Variants in ADGRL3 observed in about 807,000 individuals in gnomAD.
ADGRL3 encodes the protein adhesion G protein-coupled receptor L3.
ADGRL3 carries 62 observed loss-of-function variants against 153.5 expected under a neutral mutation model. That is an observed-to-expected ratio of 0.40 (90% CI 0.33 to 0.50). The LOEUF (loss-of-function observed/expected upper bound fraction) is 0.50, where lower values mean the gene tolerates loss of function less well. Ranked by LOEUF, ADGRL3 falls within the 20% of genes least tolerant of loss-of-function variation. The pLI is 0.47. For missense variants in ADGRL3, 1,641 were observed against 1,859.4 expected (o/e 0.88, Z 2.16); for synonymous variants, 710 against 672.5 (o/e 1.06, Z -0.86).
chr4:61,207,593 T>A (rs1737901526), intron 1 of ADGRL3, among the ~76,000 whole-genome samples: 1 of 152,334 alleles, frequency 6.6e-6, no homozygotes, highest in South Asian at 2.1e-4. Context: ...CAAATGGTAC[T>A]GCTAGTTGTA....
Position 62,031,576 on chromosome 4 carries a change from T to G in ADGRL3, c.3557T>G (p.Phe1186Cys). ...FTIFNSLQGM[F>C]IFIFHCVLQK... Reference sequence around the variant, plus strand: ...ATTTTCAATTCTCTACAGGGAATGTTTATATTTATTTTCCATTGTGTCCTA... The same window carrying G: ...ATTTTCAATTCTCTACAGGGAATGTGTATATTTATTTTCCATTGTGTCCTA... The change falls in exon 23 of 27, where the codon TTT becomes TGT. Residue 1186 changes from phenylalanine to cysteine, a missense_variant. By Grantham distance (205) the Phe-to-Cys change is radical (BLOSUM62 -2). Transcript: ENST00000683033. 6.2e-7 allele frequency: 1 copy of G among 1,609,428 alleles called. No homozygotes were observed. Among genetic ancestry groups the G allele is most frequent in the Non-Finnish European group, 8.5e-7 (1 of 1,176,744 alleles).
At chr4:61,946,575 G>A (rs192464789) in intron 15 of ADGRL3, among the ~76,000 whole-genome samples, 109 of 152,230 alleles carry the variant, frequency 7.2e-4, no homozygotes, top group Non-Finnish European at 1.2e-3. Context: ...TCTTATTGAA[G>A]ACATCTTTGC....
At chr4:61,292,803 A>G (rs72634744) in intron 1 of ADGRL3, among the ~76,000 whole-genome samples, 2,747 of 152,226 alleles carry the variant, frequency 0.018, 34 homozygotes, top group Middle Eastern at 0.037. Context: ...TTTGATGCCT[A>G]TTCTCAAAAT....
At chr4:61,751,024 G>A (rs767220812) in intron 8 of ADGRL3, among the ~76,000 whole-genome samples, 1 of 152,102 alleles carries the variant, frequency 6.6e-6, no homozygotes, top group African/African-American at 2.4e-5. Flanking sequence ...CCTGAGCTCC[G>A]CCTCCTGTCA....
rs1036773073 is a variant in ADGRL3 at position 61,747,402 on chromosome 4, CA to C, written c.1399+13854del. ...AACCAAAGCCTGGCAGAGACACAAC[CA>C]AAAAAGAGAATTTTAGACCAATATC... On this transcript the variant is annotated intron_variant, in intron 8 of 26. Transcript: ENST00000683033. 3.3e-4 allele frequency among the ~76,000 whole-genome samples: 50 copies of C among 151,824 alleles called. 1 individual carries two copies. Among genetic ancestry groups the C allele is most frequent in the African/African-American group, 1.2e-3 (48 of 41,358 alleles).
Position 61,878,149 on chromosome 4 carries a change from T to A in ADGRL3, c.1481-14507T>A, listed in dbSNP as rs552743213. Among the ~76,000 whole-genome samples, 6 of 152,328 alleles carry A rather than the reference T, an allele frequency of 3.9e-5. No individual in the cohort carries two copies. The South Asian group carries it at 1.2e-3, about 32-fold the overall frequency. On this transcript the variant is annotated intron_variant, in intron 9 of 26. Transcript: ENST00000683033. ...AACAGACTAACCCACATCCTTTTGCTGTGTAATCTATGTCCTAATCTCCCC... is the reference window on the plus strand; with the variant it reads ...AACAGACTAACCCACATCCTTTTGCAGTGTAATCTATGTCCTAATCTCCCC...
chr4:61,766,320 GTGAGT>G (rs2096979145), intron 8 of ADGRL3, among the ~76,000 whole-genome samples: 1 of 152,098 alleles, frequency 6.6e-6, no homozygotes, highest in Non-Finnish European at 1.5e-5. Flanking sequence ...ACTGTAGAGA[GTGAGT>G]TGAGCATAGT....
At chr4:61,204,805 A>G (rs544400996) in intron 1 of ADGRL3, among the ~76,000 whole-genome samples, 1 of 152,260 alleles carries the variant, frequency 6.6e-6, no homozygotes, top group African/African-American at 2.4e-5. Context: ...GAAGAGTGAT[A>G]AGCCAGTATG....
chr4:61,848,980 A>C (rs2098169529), intron 9 of ADGRL3, among the ~76,000 whole-genome samples: 1 of 152,180 alleles, frequency 6.6e-6, no homozygotes, highest in African/African-American at 2.4e-5. Flanking sequence ...TACTTTATGA[A>C]GCTAAAGTTA....
intron 2 of ADGRL3, among the ~76,000 whole-genome samples, chr4:61,418,428 C>T (rs944546239): frequency 1.3e-5 from 2 of 151,272 alleles, no homozygotes; most frequent in East Asian, 2.1e-4. Context: ...ATGGTTTTGT[C>T]TTCACAATGG....
At chr4:61,753,401 G>T (rs979354609) in intron 8 of ADGRL3, among the ~76,000 whole-genome samples, 1 of 152,170 alleles carries the variant, frequency 6.6e-6, no homozygotes, top group African/African-American at 2.4e-5. Flanking sequence ...CTGGCTTGTA[G>T]TCTGAATGCC....
Position 61,979,547 on chromosome 4 carries a change from T to C in ADGRL3, c.2806-16T>C, listed in dbSNP as rs1260949368. 6.2e-7 allele frequency: 1 copy of C among 1,611,582 alleles called. No homozygotes were observed. Among genetic ancestry groups the C allele is most frequent in the East Asian group, 2.2e-5 (1 of 44,874 alleles). On this transcript the variant is annotated splice_polypyrimidine_tract_variant and intron_variant, in intron 17 of 26. Transcript: ENST00000683033. The stretch of plus-strand genomic sequence containing the variant: ...ATGCATAAGCGCAACTTATGGCTTT[T>C]TCATTGTGTTTCCAGCACAGTGATG...
chr4:61,528,408 G>T (rs535996317), intron 4 of ADGRL3, among the ~76,000 whole-genome samples: 27 of 152,002 alleles, frequency 1.8e-4, no homozygotes, highest in Admixed American at 3.3e-4. Flanking sequence ...CTTGGACTCT[G>T]TTTAAGAACA....
rs1051570438 is a variant in ADGRL3 at position 61,993,573 on chromosome 4, T to C, written c.3237-2718T>C. On this transcript the variant is annotated intron_variant, in intron 19 of 26. Coordinates refer to ENST00000683033, the MANE Select transcript of ADGRL3 (RefSeq NM_001387552.1). ...TCCCAAAGTGTTGGGATTACAAGCCTGAGCCACATGCCCAGCCTCCTTCAT... is the reference window on the plus strand; with the variant it reads ...TCCCAAAGTGTTGGGATTACAAGCCCGAGCCACATGCCCAGCCTCCTTCAT... Among the ~76,000 whole-genome samples, 9 of 152,054 alleles carry C rather than the reference T, an allele frequency of 5.9e-5. 1 individual carries two copies. The highest frequency in any genetic ancestry group is 5.9e-4 in the Admixed American group (9 of 15,258).
chr4:61,578,877 C>T (rs553569702), intron 4 of ADGRL3, among the ~76,000 whole-genome samples: 2 of 152,046 alleles, frequency 1.3e-5, no homozygotes, highest in Non-Finnish European at 2.9e-5. Flanking sequence ...TGTATTCATT[C>T]TTTCTCCAAC....
intron 4 of ADGRL3, among the ~76,000 whole-genome samples, chr4:61,560,574 T>A (rs929850782): frequency 3.3e-5 from 5 of 152,144 alleles, no homozygotes; most frequent in African/African-American, 1.2e-4. Context: ...GGTCATTAAG[T>A]TAGCAGGGAT....
At chr4:61,341,895 A>G (rs1282480647) in intron 1 of ADGRL3, among the ~76,000 whole-genome samples, 1 of 152,168 alleles carries the variant, frequency 6.6e-6, no homozygotes, top group Non-Finnish European at 1.5e-5. Flanking sequence ...AAATCATAAA[A>G]TTTGTAATTA....
chr4:62,024,343 A>G (rs1186507449), intron 21 of ADGRL3, among the ~76,000 whole-genome samples: 1 of 152,142 alleles, frequency 6.6e-6, no homozygotes, highest in Non-Finnish European at 1.5e-5. Flanking sequence ...TTTATGATAT[A>G]TTCTAAAATG....
At chr4:61,500,786 T>C (rs1021048574) in intron 3 of ADGRL3, among the ~76,000 whole-genome samples, 1 of 152,224 alleles carries the variant, frequency 6.6e-6, no homozygotes, top group African/African-American at 2.4e-5. Context: ...CATGGGTTTA[T>C]TTTTCATTAT....
Sources: gnomAD v4.1 joint callset for allele counts (sites outside exome capture counted in the v4.1 genomes callset) on GRCh38, gnomAD v4.1.1 for gene constraint, MANE v1.5 for transcripts, NCBI Gene and HGNC (gene_info 2026-07-23, HGNC 2026-07-21) for gene names.